The following GRID1 variants were observed in gnomAD, a reference collection of about 807,000 sequenced individuals.
GRID1 encodes the protein glutamate receptor ionotropic, delta-1.
Under a neutral mutation model 98.0 loss-of-function variants are expected in GRID1, and 28 were observed. The ratio of observed to expected loss-of-function variants is 0.29; its 90% CI spans 0.21 to 0.39. The LOEUF (loss-of-function observed/expected upper bound fraction) is 0.39, where lower values mean the gene tolerates loss of function less well. GRID1 is among the 10% of genes least tolerant of loss of function. GRID1 has a pLI of 1.00. For synonymous variants in GRID1, 553 were observed against 538.5 expected (o/e 1.03, Z -0.37); for missense variants, 1,111 against 1,340.5 (o/e 0.83, Z 2.67).
chr10:86,089,219 G>A (rs1844107567), intron 4 of GRID1, among the ~76,000 whole-genome samples: 3 of 152,200 alleles, frequency 2.0e-5, no homozygotes, highest in Admixed American at 1.3e-4. Context: ...TGTCAGTGAA[G>A]GCCATCTGGG....
intron 8 of GRID1, among the ~76,000 whole-genome samples, chr10:85,742,811 T>C (rs1013716061): frequency 6.6e-6 from 1 of 152,220 alleles, no homozygotes; most frequent in Non-Finnish European, 1.5e-5. Context: ...TGATGCTGTA[T>C]GTCTTTGGGA....
chr10:85,969,260 AT>A (rs753585210), intron 4 of GRID1, among the ~76,000 whole-genome samples: 4 of 152,298 alleles, frequency 2.6e-5, no homozygotes, highest in Middle Eastern at 6.8e-3. Context: ...AGACTACAAT[AT>A]CTCACTTTCC....
At chr10:86,246,326 G>A (rs974088737) in intron 2 of GRID1, among the ~76,000 whole-genome samples, 2 of 152,194 alleles carry the variant, frequency 1.3e-5, no homozygotes, top group African/African-American at 4.8e-5. Context: ...GCTCCCTGAG[G>A]GCCCTGTGTG....
chr10:85,962,400 AG>A (rs1365612727), intron 4 of GRID1, among the ~76,000 whole-genome samples: 1 of 152,230 alleles, frequency 6.6e-6, no homozygotes, highest in Non-Finnish European at 1.5e-5. Flanking sequence ...ATCAGAAAAA[AG>A]CCCCAGCTCA....
intron 4 of GRID1, among the ~76,000 whole-genome samples, chr10:86,016,630 A>G (rs961270806): frequency 1.3e-5 from 2 of 152,210 alleles, no homozygotes; most frequent in African/African-American, 4.8e-5. Context: ...GGAATATACA[A>G]TGAATGAAGG....
intron 3 of GRID1, among the ~76,000 whole-genome samples, chr10:86,160,882 G>A (rs980949614): frequency 6.6e-6 from 1 of 152,218 alleles, no homozygotes; most frequent in Non-Finnish European, 1.5e-5. Context: ...CTCTTAAAAC[G>A]GTATAGCCCA....
At chr10:86,338,619 G>T (rs1274825631) in intron 2 of GRID1, among the ~76,000 whole-genome samples, 1 of 152,258 alleles carries the variant, frequency 6.6e-6, no homozygotes, top group South Asian at 2.1e-4. Flanking sequence ...GTTCAGTGGC[G>T]CAATCTCGGC....
chr10:85,977,317 G>T (rs1223714644), intron 4 of GRID1, among the ~76,000 whole-genome samples: 2 of 152,162 alleles, frequency 1.3e-5, no homozygotes, highest in Non-Finnish European at 2.9e-5. Context: ...TCTGTCCCAG[G>T]CAGGTAATAC....
intron 2 of GRID1, among the ~76,000 whole-genome samples, chr10:86,345,075 C>T (rs150422855): frequency 2.0e-4 from 30 of 152,262 alleles, no homozygotes; most frequent in African/African-American, 6.7e-4. Context: ...ACTGGCCTTC[C>T]CTCCCGCCCT....
At chr10:86,277,413 C>T (rs536334044) in intron 2 of GRID1, among the ~76,000 whole-genome samples, 18 of 152,266 alleles carry the variant, frequency 1.2e-4, no homozygotes, top group Admixed American at 3.9e-4. Context: ...GGTAACTACA[C>T]GGGCAAACAT....
At chr10:85,721,238 A>C (rs959350511) in intron 12 of GRID1, among the ~76,000 whole-genome samples, 1 of 152,206 alleles carries the variant, frequency 6.6e-6, no homozygotes, top group Non-Finnish European at 1.5e-5. Flanking sequence ...TTCTTACATC[A>C]CTGGCAGAAA....
At chr10:86,045,011 C>T (rs1281498528) in intron 4 of GRID1, among the ~76,000 whole-genome samples, 2 of 152,238 alleles carry the variant, frequency 1.3e-5, no homozygotes, top group African/African-American at 4.8e-5. Flanking sequence ...CCTCTTGACA[C>T]TGGGATGCAA....
At chr10:85,642,389 A>C (rs1843132701) in intron 13 of GRID1, among the ~76,000 whole-genome samples, 1 of 152,204 alleles carries the variant, frequency 6.6e-6, no homozygotes, top group Non-Finnish European at 1.5e-5. Flanking sequence ...TTTCAGGACC[A>C]GGAAAATCTT....
chr10:85,885,725 C>CTGAA (rs1841107685), intron 5 of GRID1, among the ~76,000 whole-genome samples: 1 of 152,106 alleles, frequency 6.6e-6, no homozygotes, highest in Admixed American at 6.5e-5. Context: ...AGAAAGATGA[C>CTGAA]TGAATACATC....
At chr10:85,939,582 G>A (rs1238679109) in intron 4 of GRID1, among the ~76,000 whole-genome samples, 8 of 152,014 alleles carry the variant, frequency 5.3e-5, no homozygotes. Context: ...CTTTCTTGGG[G>A]AGTCATGTCT....
chr10:85,944,560 A>G (rs554898013), intron 4 of GRID1, among the ~76,000 whole-genome samples: 1 of 152,336 alleles, frequency 6.6e-6, no homozygotes, highest in African/African-American at 2.4e-5. Context: ...TTTATCTTAC[A>G]GCAGTAAAAA....
chr10:86,152,723 G>A (rs962480147), intron 3 of GRID1, among the ~76,000 whole-genome samples: 3 of 152,164 alleles, frequency 2.0e-5, no homozygotes, highest in Admixed American at 6.5e-5. Flanking sequence ...CCACTGTGAG[G>A]GGCACACAGA....
intron 5 of GRID1, among the ~76,000 whole-genome samples, chr10:85,877,915 A>T (rs1169563208): frequency 6.6e-6 from 1 of 152,218 alleles, no homozygotes; most frequent in Non-Finnish European, 1.5e-5. Flanking sequence ...CAATGCACAG[A>T]AGTCCTTAAA....
At chr10:86,063,833 A>G (rs1034992529) in intron 4 of GRID1, among the ~76,000 whole-genome samples, 1 of 152,208 alleles carries the variant, frequency 6.6e-6, no homozygotes, top group Non-Finnish European at 1.5e-5. Flanking sequence ...TTATAAATAA[A>G]GTTTTATTAA....
Sources: allele counts gnomAD v4.1 joint callset (sites outside exome capture counted in the v4.1 genomes callset), GRCh38; gene constraint gnomAD v4.1.1; transcripts MANE v1.5; gene names NCBI Gene and HGNC (gene_info 2026-07-23, HGNC 2026-07-21).